The following RFX7 variants were observed in gnomAD, a reference collection of about 807,000 sequenced individuals.
RFX7 encodes the protein regulatory factor X7.
A neutral mutation model predicts 111.8 loss-of-function variants in RFX7; 26 were observed. The observed-to-expected ratio is 0.23, with a 90% CI of 0.17 to 0.32. The LOEUF (loss-of-function observed/expected upper bound fraction) is 0.32. Ranked by LOEUF, RFX7 falls within the 10% of genes least tolerant of loss-of-function variation. The pLI, the probability that RFX7 is intolerant of heterozygous loss-of-function variation, is 1.00. For synonymous variants in RFX7, 624 were observed against 624.4 expected (o/e 1.00, Z 0.01); for missense variants, 1,573 against 1,772.9 (o/e 0.89, Z 2.02).
At position 56,243,298 on chromosome 15, in the gene RFX7, G is replaced by C; in HGVS notation, c.-2-11C>G. The stretch of plus-strand genomic sequence containing the variant: ...GTTCCTCTGCCATCGCTGCAGAGGG[G>C]TGGGAGGGAGGGAGGGAAAGATGGG... On this transcript the variant is annotated splice_polypyrimidine_tract_variant and intron_variant, in intron 1 of 9. Coordinates refer to ENST00000559447, the MANE Select transcript of RFX7 (RefSeq NM_022841.7). The C allele has an allele frequency of 8.8e-7, 1 of 1,134,142 alleles. No homozygotes were observed. Among genetic ancestry groups the C allele is most frequent in the Non-Finnish European group, 1.1e-6 (1 of 880,086 alleles). The allele number at this position is 1,134,142 out of a possible 1,614,324, so 70.3% of individuals were successfully genotyped here.
intron 2 of RFX7, among the ~76,000 whole-genome samples, chr15:56,242,200 A>G (rs1474087946): frequency 6.6e-6 from 1 of 152,246 alleles, no homozygotes; most frequent in Non-Finnish European, 1.5e-5. Context: ...GCAATCTTAG[A>G]CCAAATTCCA....
intron 5 of RFX7, among the ~76,000 whole-genome samples, chr15:56,106,692 A>G (rs1387615644): frequency 6.6e-6 from 1 of 152,212 alleles, no homozygotes; most frequent in African/African-American, 2.4e-5. Context: ...AAAGAAAAAG[A>G]ATTTCAATAG....
intron 3 of RFX7, among the ~76,000 whole-genome samples, chr15:56,165,784 C>G (rs1346816493): frequency 3.9e-5 from 6 of 152,178 alleles, no homozygotes; most frequent in Non-Finnish European, 8.8e-5. Context: ...TCTTAGAACA[C>G]TGGCTGGTTA....
At chr15:56,235,516 C>A (rs575433744) in intron 2 of RFX7, among the ~76,000 whole-genome samples, 2 of 152,264 alleles carry the variant, frequency 1.3e-5, no homozygotes, top group South Asian at 4.1e-4. Context: ...GAAAAACACA[C>A]AAACCAAGTG....
chr15:56,206,193 T>C (rs754753772), intron 2 of RFX7, among the ~76,000 whole-genome samples: 3 of 152,294 alleles, frequency 2.0e-5, no homozygotes, highest in Non-Finnish European at 4.4e-5. Context: ...CATGTGTCTA[T>C]TGATGGATAA....
At chr15:56,155,021 A>T (rs1595972763) in intron 3 of RFX7, among the ~76,000 whole-genome samples, 1 of 152,336 alleles carries the variant, frequency 6.6e-6, no homozygotes, top group East Asian at 1.9e-4. Context: ...CAGACATAGG[A>T]AAAATGCTCA....
At chr15:56,138,359 C>T (rs1390271432) in intron 5 of RFX7, among the ~76,000 whole-genome samples, 1 of 151,196 alleles carries the variant, frequency 6.6e-6, no homozygotes, top group African/African-American at 2.4e-5. Context: ...GATCCCTTTA[C>T]CATTATGAAA....
intron 2 of RFX7, among the ~76,000 whole-genome samples, chr15:56,238,700 G>A (rs774799614): frequency 1.3e-5 from 2 of 152,156 alleles, no homozygotes; most frequent in East Asian, 1.9e-4. Flanking sequence ...AGTAAATGCA[G>A]TATTGGAATA....
At position 56,140,354 on chromosome 15, in the gene RFX7, AT is replaced by A. The variant is rs547281538; in HGVS notation, c.401+2423del. On this transcript the variant is annotated intron_variant, in intron 5 of 9. Transcript: ENST00000559447. ...TTTAAGCCCGTCGGAAAAGCGCAGT[AT>A]TCGGGTGGGAGTGACCCGATTTTCC... Among the ~76,000 whole-genome samples the A allele has an allele frequency of 8.3e-3, 1,263 of 152,308 alleles. 8 individuals carry two copies. The highest frequency in any genetic ancestry group is 0.011 in the Non-Finnish European group (743 of 68,032).
At chr15:56,188,075 T>C (rs576015532) in intron 2 of RFX7, among the ~76,000 whole-genome samples, 8 of 152,242 alleles carry the variant, frequency 5.3e-5, no homozygotes, top group African/African-American at 1.9e-4. Context: ...GAAAATATGG[T>C]CATAATAAAT....
In RFX7 at chr15:56,094,895, T is replaced by C. The variant is rs1039813520; in HGVS notation, c.2833A>G (p.Ile945Val). 1.9e-6 allele frequency: 3 copies of C among 1,567,904 alleles called. No individual in the cohort carries two copies. Among genetic ancestry groups the C allele is most frequent in the African/African-American group, 2.7e-5 (2 of 74,314 alleles). Residue 945 changes from isoleucine (I) to valine (V), a missense_variant, in exon 10 of 10, where the codon ATC (isoleucine) becomes GTC (valine). Transcript: ENST00000559447. ...GTGGGTGTGGGTGTGGGTGTGTGGA[T>C]TGGAGTGCCATTGCTGTGGATTGGA... ...YHPIHSNGTPIHTPTPTPTPT... is the reference protein window; with the variant it reads ...YHPIHSNGTPVHTPTPTPTPT...
intron 2 of RFX7, among the ~76,000 whole-genome samples, chr15:56,199,526 A>G (rs1958682427): frequency 6.6e-6 from 1 of 152,180 alleles, no homozygotes; most frequent in Admixed American, 6.5e-5. Flanking sequence ...CTTTAATGCA[A>G]GCATTTTCAG....
Position 56,093,581 on chromosome 15 carries a change from C to A in RFX7, c.4147G>T (p.Asp1383Tyr). ...GAGAGCTCAGAAGACAACCTGATAT[C>A]GCTAGAGAAATCAGATGCAGTATTA... Reference protein sequence around the residue: ...LTNTASDFSSDIRLSSELSGS... With the variant: ...LTNTASDFSSYIRLSSELSGS... Residue 1383 changes from aspartate to tyrosine, a missense_variant, in exon 10 of 10, where the codon GAT becomes TAT. Around this residue, in one of 7 missense-constraint regions of RFX7, gnomAD observed 411 missense variants for 478.1 expected, o/e 0.86. Transcript: ENST00000559447. 1 of 1,613,688 alleles carries A rather than the reference C, an allele frequency of 6.2e-7. No individual in the cohort carries two copies. The highest frequency in any genetic ancestry group is 8.5e-7 in the Non-Finnish European group (1 of 1,179,700).
chr15:56,149,554 G>A (rs913882875), intron 3 of RFX7, among the ~76,000 whole-genome samples: 2 of 152,164 alleles, frequency 1.3e-5, no homozygotes, highest in African/African-American at 2.4e-5. Context: ...CACGGAGGGC[G>A]AGGCGAAGCA....
chr15:56,149,613 C>T (rs545734458), intron 3 of RFX7, among the ~76,000 whole-genome samples: 16 of 152,182 alleles, frequency 1.1e-4, no homozygotes, highest in African/African-American at 3.6e-4. Context: ...GGGGAATTTT[C>T]CCCCCTACCC....
chr15:56,180,366 A>G (rs1249332127), intron 2 of RFX7, among the ~76,000 whole-genome samples: 2 of 152,180 alleles, frequency 1.3e-5, no homozygotes, highest in African/African-American at 4.8e-5. Context: ...AGCAAAAAAA[A>G]GTAAAGGATA....
chr15:56,184,843 C>CTAGCT, intron 2 of RFX7, among the ~76,000 whole-genome samples: 1 of 152,300 alleles, frequency 6.6e-6, no homozygotes, highest in East Asian at 1.9e-4. Flanking sequence ...AACATCCCCA[C>CTAGCT]TAGCTTATAA....
intron 8 of RFX7, 100 bp from the exon 9 acceptor site, chr15:56,098,476 G>A: frequency 3.1e-6 from 4 of 1,306,128 alleles, no homozygotes; most frequent in Non-Finnish European, 4.1e-6. Context: ...ACTGGACAAA[G>A]CAACCAAAAT....
intron 2 of RFX7, among the ~76,000 whole-genome samples, chr15:56,204,201 TAG>T (rs1475158629): frequency 1.2e-4 from 18 of 151,996 alleles, no homozygotes; most frequent in Admixed American, 1.2e-3. Context: ...GTATTTTTAA[TAG>T]AGATGGGGTT....
Sources: gnomAD v4.1 joint callset for allele counts (sites outside exome capture counted in the v4.1 genomes callset) on GRCh38, gnomAD v4.1.1 for gene constraint, gnomAD v4.1.1 regional missense constraint, MANE v1.5 for transcripts, NCBI Gene and HGNC (gene_info 2026-07-23, HGNC 2026-07-21) for gene names.